VKORC1L1: variants seen among roughly 807,000 people sequenced by gnomAD.
VKORC1L1 encodes vitamin K epoxide reductase complex subunit 1L1.
VKORC1L1 carries 2 observed loss-of-function variants against 18.9 expected under a neutral mutation model. The observed-to-expected ratio is 0.11, with a 90% CI of 0.04 to 0.33. The LOEUF is 0.33. Among genes scored for constraint, VKORC1L1 ranks in the 10% least tolerant of loss-of-function variants. The pLI is 1.00. For synonymous variants in VKORC1L1, 96 were observed against 100.0 expected, an observed-to-expected ratio of 0.96 and a Z score of 0.24; for missense variants, 123 against 224.1, an observed-to-expected ratio of 0.55 and a Z score of 2.88.
chr7:65,905,366 A>C (rs1253366399), intron 1 of VKORC1L1, among the ~76,000 whole-genome samples: 2 of 151,780 alleles, frequency 1.3e-5, no homozygotes, highest in Non-Finnish European at 2.9e-5. Context: ...GCTGGAGTGC[A>C]GTGGCGCGAT....
rs1790323909 is a variant in VKORC1L1 at position 65,957,812 on chromosome 7, A to G, written c.*3512A>G. The G allele has an allele frequency of 1.3e-5, 2 of 152,244 alleles. No homozygotes were observed. The highest frequency in any genetic ancestry group is 2.9e-5 in the Non-Finnish European group (2 of 68,032). The allele number at this position is 152,244 out of a possible 1,614,324, so 9.4% of individuals were successfully genotyped here. ...GCGCCATTGCACTCCAGCCTGGGCAATGAGTGAAACTCTGTCTCAAATAAA... is the reference window on the plus strand; with the variant it reads ...GCGCCATTGCACTCCAGCCTGGGCAGTGAGTGAAACTCTGTCTCAAATAAA... On this transcript the variant is annotated 3_prime_UTR_variant, in exon 3 of 3. Transcript: ENST00000360768.
At chr7:65,872,968 CTCCCCACCCCTGCCCCGCCCA>C (rs1163931482), upstream of VKORC1L1, among the ~76,000 whole-genome samples, 8 of 147,520 alleles carry the variant, frequency 5.4e-5, no homozygotes, top group African/African-American at 7.5e-5. Flanking sequence ...GGCTCCGCCC[CTCCCCACCCCTGCCCCGCCCA>C]TCCCCACCCC....
At position 65,945,130 on chromosome 7, in the gene VKORC1L1, G is replaced by A. The variant is rs187197979; in HGVS notation, c.195-3541G>A. Among the ~76,000 whole-genome samples the A allele has an allele frequency of 1.9e-3, 290 of 151,850 alleles. 3 individuals carry two copies. Among genetic ancestry groups the A allele is most frequent in the African/African-American group, 6.8e-3 (283 of 41,386 alleles). On this transcript the variant is annotated intron_variant, in intron 1 of 2. Transcript: ENST00000360768. Reference sequence around the variant, plus strand: ...ACAAAAATTAGCTGGGCGTGGTGGCGGGTGCTAGTAATCCCAACTACTCAA... The same window carrying A: ...ACAAAAATTAGCTGGGCGTGGTGGCAGGTGCTAGTAATCCCAACTACTCAA...
chr7:65,873,578 G>A lies in VKORC1L1; in HGVS notation c.194+13G>A, dbSNP rs776282075. 1.3e-6 allele frequency: 2 copies of A among 1,530,098 alleles called. No homozygotes were observed. The highest frequency in any genetic ancestry group is 1.8e-6 in the Non-Finnish European group (2 of 1,141,904). The allele number at this position is 1,530,098 out of a possible 1,614,324, so 94.8% of individuals were successfully genotyped here. On this transcript the variant is annotated intron_variant, in intron 1 of 2. Coordinates refer to ENST00000360768, the MANE Select transcript of VKORC1L1 (RefSeq NM_173517.6). ...CCCTTGCCTCCAGGTAGCCGGCTTG[G>A]GGGAGTGGGCCAGGAGCGGCCGAGC... is the stretch of plus-strand genomic sequence containing the variant.
chr7:65,908,867 G>A (rs1364806940), intron 1 of VKORC1L1, among the ~76,000 whole-genome samples: 1 of 149,666 alleles, frequency 6.7e-6, no homozygotes, highest in South Asian at 2.1e-4. Context: ...CCAATCCATT[G>A]TAGACTGATA....
At chr7:65,941,521 TTACTA>T (rs1385474470) in intron 1 of VKORC1L1, among the ~76,000 whole-genome samples, 1 of 152,132 alleles carries the variant, frequency 6.6e-6, no homozygotes, top group Non-Finnish European at 1.5e-5. Context: ...TATTTTATAT[TTACTA>T]TACTGTTTGG....
intron 1 of VKORC1L1, among the ~76,000 whole-genome samples, chr7:65,934,707 C>G (rs946100718): frequency 2.6e-5 from 4 of 152,092 alleles, no homozygotes; most frequent in Non-Finnish European, 5.9e-5. Flanking sequence ...GACAGAATTT[C>G]TCTCGTTTTA....
chr7:65,879,123 G>T (rs1356308829), intron 1 of VKORC1L1, among the ~76,000 whole-genome samples: 1 of 152,036 alleles, frequency 6.6e-6, no homozygotes, highest in Non-Finnish European at 1.5e-5. Flanking sequence ...TAACATGGAA[G>T]TATCACGTAT....
chr7:65,947,124 A>G (rs1231621933), intron 1 of VKORC1L1, among the ~76,000 whole-genome samples: 2 of 152,298 alleles, frequency 1.3e-5, no homozygotes, highest in East Asian at 1.9e-4. Context: ...CAACAGAGGA[A>G]CATCCTGTCT....
chr7:65,891,342 A>G (rs1360739574), intron 1 of VKORC1L1, among the ~76,000 whole-genome samples: 1 of 152,108 alleles, frequency 6.6e-6, no homozygotes, highest in Non-Finnish European at 1.5e-5. Flanking sequence ...GTTTAACTTT[A>G]TTAGAAACAA....
At chr7:65,903,432 T>C (rs1037873817) in intron 1 of VKORC1L1, among the ~76,000 whole-genome samples, 1 of 152,166 alleles carries the variant, frequency 6.6e-6, no homozygotes, top group Non-Finnish European at 1.5e-5. Flanking sequence ...CCCAAAGTGC[T>C]GGGATTACAG....
At chr7:65,875,730 A>G (rs1301112681) in intron 1 of VKORC1L1, among the ~76,000 whole-genome samples, 1 of 152,148 alleles carries the variant, frequency 6.6e-6, no homozygotes, top group African/African-American at 2.4e-5. Context: ...AACAGACTTT[A>G]AATGAAAGCT....
At chr7:65,917,346 G>A (rs1408155637) in intron 1 of VKORC1L1, among the ~76,000 whole-genome samples, 1 of 152,088 alleles carries the variant, frequency 6.6e-6, no homozygotes, top group African/African-American at 2.4e-5. Context: ...GGCTATGAGG[G>A]TATAGTGTAA....
At chr7:65,898,199 T>C (rs1335412702) in intron 1 of VKORC1L1, among the ~76,000 whole-genome samples, 1 of 148,742 alleles carries the variant, frequency 6.7e-6, no homozygotes, top group Non-Finnish European at 1.5e-5. Flanking sequence ...AGCAATTCTC[T>C]GCCTTAGCCT....
At chr7:65,895,518 C>CACACAA (rs1789194399) in intron 1 of VKORC1L1, among the ~76,000 whole-genome samples, 1 of 100,850 alleles carries the variant, frequency 9.9e-6, no homozygotes, top group Non-Finnish European at 2.1e-5. Context: ...TATATATATA[C>CACACAA]ACACACACAC....
At chr7:65,918,194 T>C (rs1431530511) in intron 1 of VKORC1L1, among the ~76,000 whole-genome samples, 1 of 152,208 alleles carries the variant, frequency 6.6e-6, no homozygotes, top group Non-Finnish European at 1.5e-5. Context: ...TTCTAGAAGA[T>C]CATATAAATG....
rs1162279278 is a variant in VKORC1L1 at position 65,958,308 on chromosome 7, T to G, written c.*4008T>G. On this transcript the variant is annotated 3_prime_UTR_variant, in exon 3 of 3. Transcript: ENST00000360768. ...AAGTATTTATTAGGTATATGATCTG[T>G]GTAGTATGTTCCATCAGAAATATTT... The G allele has an allele frequency of 6.6e-6, 1 of 152,244 alleles. No homozygotes were observed. The highest frequency in any genetic ancestry group is 1.5e-5 in the Non-Finnish European group (1 of 68,050). 9.4% of individuals were successfully genotyped at this position (152,244 alleles called of 1,614,324 possible). A position where few individuals can be genotyped will look rare whatever the true frequency, so the allele number is the denominator to read the frequency against.
rs191023678 is a variant in VKORC1L1, at chr7:65,957,669, C to A, written c.*3369C>A. The A allele has an allele frequency of 2.0e-5, 3 of 151,950 alleles. No individual in the cohort carries two copies. In the East Asian group the frequency reaches 5.8e-4, roughly 29 times the overall value. The allele number at this position is 151,950 out of a possible 1,614,324, so 9.4% of individuals were successfully genotyped here. A position where few individuals can be genotyped will look rare whatever the true frequency, so the allele number is the denominator to read the frequency against. On this transcript the variant is annotated 3_prime_UTR_variant, in exon 3 of 3. Coordinates refer to ENST00000360768, the MANE Select transcript of VKORC1L1 (RefSeq NM_173517.6). ...CCGACATAGTGGAACCCTGTCTTTA[C>A]TAAAAATACAAAAATTAGCTGGGCA... is the stretch of plus-strand genomic sequence containing the variant.
chr7:65,911,755 T>C (rs1451349339), intron 1 of VKORC1L1, among the ~76,000 whole-genome samples: 1 of 152,192 alleles, frequency 6.6e-6, no homozygotes, highest in South Asian at 2.1e-4. Context: ...TAAACACTTA[T>C]TCTCAATTTC....
Sources: gnomAD v4.1 joint callset for allele counts (sites outside exome capture counted in the v4.1 genomes callset) on GRCh38, gnomAD v4.1.1 for gene constraint, MANE v1.5 for transcripts, NCBI Gene and HGNC (gene_info 2026-07-23, HGNC 2026-07-21) for gene names.